The following DRC4 variants were observed in gnomAD, a reference collection of about 807,000 sequenced individuals.
The protein encoded by DRC4 is GAS-11.
chr16:90,030,803 A>G, the DRC4 span, among the ~76,000 whole-genome samples: 14 of 152,116 alleles, frequency 9.2e-5, no homozygotes, highest in Admixed American at 3.9e-4. Flanking sequence ...GTTTTTGCAG[A>G]GATGGGGTCT....
chr16:90,044,268 C>T, the DRC4 span: 3 of 444,858 alleles, frequency 6.7e-6, no homozygotes, highest in South Asian at 1.6e-5. Context: ...ACCCTTGGCC[C>T]AGCCTCCCCA....
chr16:90,037,681 C>A, the DRC4 span: 4 of 1,387,532 alleles, frequency 2.9e-6, no homozygotes, highest in South Asian at 2.3e-5. Context: ...TTTGGCCTTG[C>A]CATCTCCCAG....
At chr16:90,025,221 G>T in the DRC4 span, among the ~76,000 whole-genome samples, 1 of 150,422 alleles carries the variant, frequency 6.6e-6, no homozygotes, top group African/African-American at 2.4e-5. Context: ...GTTTCACCAT[G>T]TTGGCCAGGC....
the DRC4 span, chr16:90,028,859 T>C: frequency 2.0e-6 from 2 of 1,004,306 alleles, no homozygotes; most frequent in Admixed American, 5.6e-5. Flanking sequence ...CGAAGGAGAC[T>C]GAAAGAGTCT....
chr16:90,037,930 C>G, the DRC4 span: 1 of 1,282,972 alleles, frequency 7.8e-7, no homozygotes, highest in East Asian at 2.3e-5. Flanking sequence ...TGAGCGGGCA[C>G]TAGGCTGGCC....
the DRC4 span, among the ~76,000 whole-genome samples, chr16:90,026,452 C>T: frequency 2.6e-5 from 4 of 152,256 alleles, no homozygotes; most frequent in African/African-American, 9.6e-5. Flanking sequence ...AAGGAAGTTT[C>T]TCTTTGAAAG....
At chr16:90,041,064 G>A in the DRC4 span, among the ~76,000 whole-genome samples, 188 of 152,266 alleles carry the variant, frequency 1.2e-3, no homozygotes, top group Admixed American at 2.0e-3. Context: ...GGGAGTGAGG[G>A]TCCCACTGTT....
the DRC4 span, among the ~76,000 whole-genome samples, chr16:90,038,401 G>T: frequency 6.6e-6 from 1 of 152,216 alleles, no homozygotes; most frequent in African/African-American, 2.4e-5. Flanking sequence ...ATAGGAAGCG[G>T]TCTCATCCTT....
the DRC4 span, chr16:90,037,104 G>A: frequency 2.3e-6 from 2 of 857,728 alleles, no homozygotes; most frequent in Non-Finnish European, 3.6e-6. Flanking sequence ...AGACGTCTAG[G>A]TGCCAGCATG....
the DRC4 span, among the ~76,000 whole-genome samples, chr16:90,025,829 A>G: frequency 1.3e-5 from 2 of 150,610 alleles, no homozygotes; most frequent in Non-Finnish European, 3.0e-5. Flanking sequence ...TGGAGGTTGC[A>G]GTGAGCCAAG....
At chr16:90,033,024 A>G in the DRC4 span, 1 of 1,119,708 alleles carries the variant, frequency 8.9e-7, no homozygotes. Flanking sequence ...GGGAATTCAT[A>G]TTTCTGCATA....
the DRC4 span, among the ~76,000 whole-genome samples, chr16:90,032,069 G>A: frequency 6.6e-6 from 1 of 152,024 alleles, no homozygotes; most frequent in Admixed American, 6.6e-5. Flanking sequence ...GCGACCAGGT[G>A]TGTACGGGAA....
the DRC4 span, chr16:90,027,896 G>T: frequency 6.6e-6 from 4 of 607,860 alleles, no homozygotes; most frequent in Non-Finnish European, 1.2e-5. Flanking sequence ...GCTGCACCAT[G>T]TCTTTTCAGA....
At chr16:90,043,354 C>CT in the DRC4 span, 5 of 1,603,360 alleles carry the variant, frequency 3.1e-6, no homozygotes, top group Admixed American at 8.4e-5. Flanking sequence ...AGCTGCCCCC[C>CT]TGGGGGGCCA....
the DRC4 span, among the ~76,000 whole-genome samples, chr16:90,027,264 A>G: frequency 4.7e-5 from 7 of 150,052 alleles, no homozygotes; most frequent in Non-Finnish European, 1.0e-4. Flanking sequence ...TTTTTTTTGT[A>G]TTTTTAGTAG....
At chr16:90,024,578 T>C in the DRC4 span, among the ~76,000 whole-genome samples, 2 of 152,278 alleles carry the variant, frequency 1.3e-5, no homozygotes, top group African/African-American at 4.8e-5. Flanking sequence ...GTCTTCACAA[T>C]GCCTGGGAAG....
At chr16:90,040,482 C>G in the DRC4 span, 4 of 1,606,528 alleles carry the variant, frequency 2.5e-6, no homozygotes, top group Non-Finnish European at 3.4e-6. Context: ...ACCCTGCAGC[C>G]CTGACGCTGG....
the DRC4 span, chr16:90,036,426 A>T: frequency 6.2e-7 from 1 of 1,612,664 alleles, no homozygotes; most frequent in Admixed American, 1.7e-5. Context: ...CTGAGGGACG[A>T]ACTCGACTTG....
At chr16:90,036,820 G>A in the DRC4 span, 3 of 654,068 alleles carry the variant, frequency 4.6e-6, no homozygotes, top group African/African-American at 3.6e-5. Context: ...TGCAGAGGGG[G>A]AAGTAATGAA....
Sources: allele counts gnomAD v4.1 joint callset (sites outside exome capture counted in the v4.1 genomes callset), GRCh38; gene constraint gnomAD v4.1.1; transcripts MANE v1.5; gene names NCBI Gene and HGNC (gene_info 2026-07-23, HGNC 2026-07-21).